CLIC4: variants seen among roughly 807,000 people sequenced by gnomAD.
CLIC4 encodes the protein CLIC family member 4.
Under a neutral mutation model 24.6 loss-of-function variants are expected in CLIC4, and 13 were observed. The ratio of observed to expected loss-of-function variants is 0.53; its 90% CI spans 0.34 to 0.84. CLIC4 has a LOEUF of 0.84. CLIC4 is among the 40% of genes least tolerant of loss of function. The probability of loss-of-function intolerance (pLI) is 0.01; values close to 1 mark genes in which losing one functional copy is unlikely to be tolerated. For synonymous variants in CLIC4, 104 were observed against 111.3 expected (o/e 0.93, Z 0.41); for missense variants, 227 against 301.7 (o/e 0.75, Z 1.83).
chr1:24,769,045 T>C (rs765376525), intron 1 of CLIC4, among the ~76,000 whole-genome samples: 112 of 151,992 alleles, frequency 7.4e-4, no homozygotes, highest in Non-Finnish European at 1.1e-3. Context: ...CTAGTGGGGC[T>C]GAAGCAGGAG....
intron 1 of CLIC4, among the ~76,000 whole-genome samples, chr1:24,766,623 C>T (rs1045780307): frequency 7.3e-5 from 11 of 150,704 alleles, no homozygotes; most frequent in African/African-American, 2.7e-4. Flanking sequence ...TGTGCCTCAG[C>T]TTCCCTAGTA....
At chr1:24,806,930 C>G (rs941095196) in intron 2 of CLIC4, among the ~76,000 whole-genome samples, 1 of 152,158 alleles carries the variant, frequency 6.6e-6, no homozygotes, top group Non-Finnish European at 1.5e-5. Flanking sequence ...TTTGGGACTT[C>G]AAGCCAGTCC....
chr1:24,812,721 A>G (rs1639626158), intron 2 of CLIC4, among the ~76,000 whole-genome samples: 1 of 152,044 alleles, frequency 6.6e-6, no homozygotes, highest in Middle Eastern at 3.4e-3. Flanking sequence ...GAAAAGTACT[A>G]TTTCTTTCTT....
At position 24,803,503 on chromosome 1, in the gene CLIC4, C is replaced by A. The variant is rs537756384; in HGVS notation, c.182+5652C>A. 2.0e-5 allele frequency among the ~76,000 whole-genome samples: 3 copies of A among 152,330 alleles called. No homozygotes were observed. In the South Asian group the frequency reaches 6.2e-4, roughly 32 times the overall value. Reference sequence around the variant, plus strand: ...CTATGCTGGTAGTATTCATGTGTCCCTTGTGAGGCTGTGAACAATCTCCCA... The same window carrying A: ...CTATGCTGGTAGTATTCATGTGTCCATTGTGAGGCTGTGAACAATCTCCCA... On this transcript the variant is annotated intron_variant, in intron 2 of 5. Transcript: ENST00000374379.
At chr1:24,750,332 A>G (rs1172635414) in intron 1 of CLIC4, among the ~76,000 whole-genome samples, 2 of 151,880 alleles carry the variant, frequency 1.3e-5, no homozygotes, top group African/African-American at 4.8e-5. Context: ...GTAGGTGTAT[A>G]TATTTCCAGC....
chr1:24,808,132 G>A (rs1470481620), intron 2 of CLIC4, among the ~76,000 whole-genome samples: 1 of 152,108 alleles, frequency 6.6e-6, no homozygotes, highest in African/African-American at 2.4e-5. Flanking sequence ...TTTTAGTAGA[G>A]ATGGTGTTTC....
chr1:24,797,362 C>T (rs1249574108), intron 1 of CLIC4, among the ~76,000 whole-genome samples: 1 of 151,522 alleles, frequency 6.6e-6, no homozygotes, highest in Non-Finnish European at 1.5e-5. Context: ...TCACTTGAGC[C>T]CAGGAGTTCA....
intron 5 of CLIC4, 143 bp downstream of exon 5, chr1:24,840,184 C>A: frequency 3.1e-6 from 2 of 636,776 alleles, no homozygotes; most frequent in Non-Finnish European, 5.1e-6. Flanking sequence ...GTTGAAGCAC[C>A]CTAGAGTTAG....
At chr1:24,801,961 TCTATTA>T (rs1557806902) in intron 2 of CLIC4, among the ~76,000 whole-genome samples, 1 of 152,074 alleles carries the variant, frequency 6.6e-6, no homozygotes, top group African/African-American at 2.4e-5. Context: ...TAGTTACCCT[TCTATTA>T]CTGTTTTTTT....
At chr1:24,821,680 T>C (rs955344123) in intron 3 of CLIC4, among the ~76,000 whole-genome samples, 3 of 152,256 alleles carry the variant, frequency 2.0e-5, no homozygotes, top group Non-Finnish European at 4.4e-5. Flanking sequence ...GCCTCTTGAG[T>C]AGCTGGGAGT....
At chr1:24,784,960 C>T (rs1359654044) in intron 1 of CLIC4, among the ~76,000 whole-genome samples, 9 of 147,400 alleles carry the variant, frequency 6.1e-5, no homozygotes, top group Non-Finnish European at 8.9e-5. Flanking sequence ...GCCAAGATCG[C>T]GCCACTGCAC....
At chr1:24,747,757 C>T (rs1049824769) in intron 1 of CLIC4, among the ~76,000 whole-genome samples, 2 of 151,994 alleles carry the variant, frequency 1.3e-5, no homozygotes, top group East Asian at 1.9e-4. Context: ...AAGCTACTAT[C>T]GGGCCGGGTG....
chr1:24,814,151 C>A lies in CLIC4; in HGVS notation c.240C>A (p.Phe80Leu), dbSNP rs377164280. Residue 80 changes from phenylalanine (F) to leucine (L), a missense_variant, in exon 3 of 6, where the codon TTC becomes TTA. Phe to Leu is a conservative substitution (Grantham distance 22, BLOSUM62 0). Coordinates refer to ENST00000374379, the MANE Select transcript of CLIC4 (RefSeq NM_013943.3). ...GGACCCACCCACCATTTATAACTTTCAACAGTGAAGTCAAAACGGATGTAA... is the reference window on the plus strand; with the variant it reads ...GGACCCACCCACCATTTATAACTTTAAACAGTGAAGTCAAAACGGATGTAA... Reference protein sequence around the residue: ...APGTHPPFITFNSEVKTDVNK... With the variant: ...APGTHPPFITLNSEVKTDVNK... 24 of 1,613,990 alleles carry A rather than the reference C, an allele frequency of 1.5e-5. No individual in the cohort carries two copies. The highest frequency in any genetic ancestry group is 9.3e-5 in the African/African-American group (7 of 74,908).
intron 1 of CLIC4, among the ~76,000 whole-genome samples, chr1:24,792,854 A>G (rs1231515535): frequency 1.3e-5 from 2 of 152,240 alleles, no homozygotes; most frequent in Non-Finnish European, 2.9e-5. Flanking sequence ...CCAGGTCTTC[A>G]TGAACTGTTC....
intron 1 of CLIC4, among the ~76,000 whole-genome samples, chr1:24,768,399 T>A (rs1639030156): frequency 6.6e-6 from 1 of 152,220 alleles, no homozygotes; most frequent in African/African-American, 2.4e-5. Flanking sequence ...TAGACGTGCT[T>A]ATATTTTTAA....
chr1:24,794,025 C>T (rs939264019), intron 1 of CLIC4, among the ~76,000 whole-genome samples: 1 of 152,138 alleles, frequency 6.6e-6, no homozygotes, highest in Non-Finnish European at 1.5e-5. Context: ...AATGTCAGAA[C>T]GTTCTCTTCC....
chr1:24,750,828 TA>T (rs1391164655), intron 1 of CLIC4, among the ~76,000 whole-genome samples: 1 of 152,146 alleles, frequency 6.6e-6, no homozygotes, highest in Non-Finnish European at 1.5e-5. Context: ...GAACAATGTC[TA>T]GTACACAGTA....
At chr1:24,837,953 T>C (rs1227055394) in intron 4 of CLIC4, among the ~76,000 whole-genome samples, 1 of 152,206 alleles carries the variant, frequency 6.6e-6, no homozygotes, top group Non-Finnish European at 1.5e-5. Context: ...TCATTTATGT[T>C]CTCATAACTT....
intron 1 of CLIC4, among the ~76,000 whole-genome samples, chr1:24,778,757 G>A (rs879921549): frequency 3.3e-5 from 5 of 152,128 alleles, no homozygotes; most frequent in Non-Finnish European, 7.4e-5. Flanking sequence ...AGCAGAACTC[G>A]TTTTCATCAT....
Sources: allele counts gnomAD v4.1 joint callset (sites outside exome capture counted in the v4.1 genomes callset), GRCh38; gene constraint gnomAD v4.1.1; transcripts MANE v1.5; gene names NCBI Gene and HGNC (gene_info 2026-07-23, HGNC 2026-07-21).